The following HTR2A variants were observed in gnomAD, a reference collection of about 807,000 sequenced individuals.
The protein encoded by HTR2A is 5-HT2 receptor.
In HTR2A, 14 loss-of-function variants were observed where a neutral mutation model predicts 31.0. That is an observed-to-expected ratio of 0.45 (90% confidence interval 0.30 to 0.71). The LOEUF is 0.71. Among genes scored for constraint, HTR2A ranks in the 30% least tolerant of loss-of-function variants. The probability of loss-of-function intolerance (pLI) is 0.09; values close to 1 mark genes in which losing one functional copy is unlikely to be tolerated. For synonymous variants in HTR2A, 209 were observed against 225.2 expected, an observed-to-expected ratio of 0.93 and a Z score of 0.64; for missense variants, 442 against 573.3, an observed-to-expected ratio of 0.77 and a Z score of 2.34.
rs1473966696 is a variant in HTR2A, at chr13:46,855,491, G to C, written c.614-19852C>G. Among the ~76,000 whole-genome samples, 3 of 152,086 alleles carry C rather than the reference G, an allele frequency of 2.0e-5. No individual in the cohort carries two copies. In the East Asian group the frequency reaches 5.8e-4, roughly 29 times the overall value. On this transcript the variant is annotated intron_variant, in intron 3 of 3. Coordinates refer to ENST00000542664, the MANE Select transcript of HTR2A (RefSeq NM_000621.5). ...TTTCCACTTTCCCAGTTCAGTGTGG[G>C]TGGATGGGGAAGGTGCTCTCAACTG...
At chr13:46,835,699 G>A in intron 3 of HTR2A, 60 bp from the exon 4 acceptor site, 4 of 1,241,712 alleles carry the variant, frequency 3.2e-6, no homozygotes, top group Non-Finnish European at 4.5e-6. Context: ...GAAGGCAAGA[G>A]CATCATCACA....
chr13:46,835,015 G>C lies in HTR2A; in HGVS notation c.1238C>G (p.Thr413Arg). The C allele has an allele frequency of 1.9e-6, 3 of 1,614,118 alleles. No individual in the cohort carries two copies. Among genetic ancestry groups the C allele is most frequent in the Non-Finnish European group, 2.5e-6 (3 of 1,179,986 alleles). The change falls in exon 4 of 4, where the codon ACA (threonine) becomes AGA (arginine). Residue 413 changes from threonine to arginine, a missense_variant. Transcript: ENST00000542664. ...AGACTTGTAGGCCAAAGCCGGTATT[G>C]TGTTCACTAAAATTAACTGCAATGG... ...KKPLQLILVN[T>R]IPALAYKSSQ...
intron 3 of HTR2A, among the ~76,000 whole-genome samples, chr13:46,849,066 C>G (rs1231448771): frequency 1.3e-5 from 2 of 152,124 alleles, no homozygotes; most frequent in African/African-American, 2.4e-5. Context: ...CATCCCTAAC[C>G]TTACACCGTC....
chr13:46,879,101 T>A (rs1201120755), intron 3 of HTR2A, among the ~76,000 whole-genome samples: 1 of 152,150 alleles, frequency 6.6e-6, no homozygotes, highest in African/African-American at 2.4e-5. Flanking sequence ...TGGATGGGAA[T>A]TAAGGGGCAT....
chr13:46,861,585 G>C (rs1242925759), intron 3 of HTR2A, among the ~76,000 whole-genome samples: 1 of 152,214 alleles, frequency 6.6e-6, no homozygotes, highest in Non-Finnish European at 1.5e-5. Context: ...GATCTATCAA[G>C]CATTTTGAAC....
intron 3 of HTR2A, among the ~76,000 whole-genome samples, chr13:46,880,446 T>A (rs139325906): frequency 1.3e-5 from 2 of 152,328 alleles, no homozygotes; most frequent in East Asian, 3.9e-4. Context: ...GCAACACAAG[T>A]ACCCTGTCCC....
At chr13:46,883,268 T>TTAGGAAGGTCCTAACCTTCAGGC (rs951959877) in intron 3 of HTR2A, among the ~76,000 whole-genome samples, 1 of 152,118 alleles carries the variant, frequency 6.6e-6, no homozygotes, top group Non-Finnish European at 1.5e-5. Context: ...TCCAGGAAGG[T>TTAGGAAGGTCCTAACCTTCAGGC]TAGGATTCTA....
intron 3 of HTR2A, among the ~76,000 whole-genome samples, chr13:46,874,189 C>T (rs557105662): frequency 1.3e-5 from 2 of 152,286 alleles, no homozygotes; most frequent in South Asian, 2.1e-4. Context: ...TTCTTAGCTT[C>T]GGTCTTGCCA....
chr13:46,859,891 C>G (rs1653756838), intron 3 of HTR2A, among the ~76,000 whole-genome samples: 1 of 152,170 alleles, frequency 6.6e-6, no homozygotes, highest in Non-Finnish European at 1.5e-5. Flanking sequence ...ATGCCCTGGC[C>G]TATCATCACC....
chr13:46,835,772 TAA>T, intron 3 of HTR2A, 133 bp from the exon 4 acceptor site: 1 of 695,360 alleles, frequency 1.4e-6, no homozygotes, highest in Non-Finnish European at 2.4e-6. Context: ...TTTGAGAATT[TAA>T]AATTCCTTTG....
At chr13:46,889,159 G>A (rs544959842) in intron 3 of HTR2A, among the ~76,000 whole-genome samples, 1 of 152,194 alleles carries the variant, frequency 6.6e-6, no homozygotes, top group African/African-American at 2.4e-5. Context: ...GATGAAATAA[G>A]ATATATCCAA....
At chr13:46,872,341 C>T (rs577448624) in intron 3 of HTR2A, among the ~76,000 whole-genome samples, 1 of 152,226 alleles carries the variant, frequency 6.6e-6, no homozygotes, top group Admixed American at 6.5e-5. Flanking sequence ...TTTGACCACT[C>T]TGTATATTAC....
At chr13:46,845,789 C>G (rs2138193591) in intron 3 of HTR2A, among the ~76,000 whole-genome samples, 1 of 152,268 alleles carries the variant, frequency 6.6e-6, no homozygotes, top group East Asian at 1.9e-4. Context: ...GGAAAACTCT[C>G]TACCCTCTTA....
At position 46,835,342 on chromosome 13, in the gene HTR2A, C is replaced by T. The variant is rs764945857; in HGVS notation, c.911G>A (p.Gly304Glu). The T allele has an allele frequency of 1.2e-6, 2 of 1,614,014 alleles. No individual in the cohort carries two copies. Among genetic ancestry groups the T allele is most frequent in the South Asian group, 1.1e-5 (1 of 91,076 alleles). The change falls in exon 4 of 4, where the codon GGG becomes GAG. Residue 304 changes from glycine to glutamate, a missense_variant. Gly to Glu is a moderately conservative substitution (Grantham distance 98). This residue lies in a region of HTR2A where 174 missense variants were observed against 195.1 expected (regional missense o/e 0.89). Transcript: ENST00000542664. ...LFQRSIHREP[G>E]SYTGRRTMQS... ...CATAGTCCTCCTGCCTGTGTAGGAC[C>T]CTGGCTCCCTATGGATCGACCGCTG...
chr13:46,882,980 G>A (rs991972278), intron 3 of HTR2A, among the ~76,000 whole-genome samples: 3 of 152,192 alleles, frequency 2.0e-5, no homozygotes, highest in African/African-American at 4.8e-5. Flanking sequence ...ACTTGCCCAA[G>A]GTCACACAGC....
chr13:46,893,720 G>A (rs1452548036), intron 2 of HTR2A, among the ~76,000 whole-genome samples: 1 of 152,196 alleles, frequency 6.6e-6, no homozygotes, highest in African/African-American at 2.4e-5. Context: ...GTGTTTTGGA[G>A]GGGGATTAAG....
intron 3 of HTR2A, among the ~76,000 whole-genome samples, chr13:46,836,949 G>A (rs183700868): frequency 1.6e-3 from 239 of 152,072 alleles, no homozygotes; most frequent in African/African-American, 5.5e-3. Flanking sequence ...TCATAAGGAT[G>A]GATTGCAAAA....
At chr13:46,838,101 A>G (rs1290758286) in intron 3 of HTR2A, among the ~76,000 whole-genome samples, 4 of 152,208 alleles carry the variant, frequency 2.6e-5, no homozygotes, top group Non-Finnish European at 5.9e-5. Context: ...TCTTGATTGT[A>G]AAAGTAAGGG....
intron 3 of HTR2A, among the ~76,000 whole-genome samples, chr13:46,873,230 TAATTC>T (rs1950877742): frequency 6.7e-6 from 1 of 149,208 alleles, no homozygotes; most frequent in South Asian, 2.1e-4. Flanking sequence ...TCCTATCAAG[TAATTC>T]ACTGATTACA....
Sources: gnomAD v4.1 joint callset for allele counts (sites outside exome capture counted in the v4.1 genomes callset) on GRCh38, gnomAD v4.1.1 for gene constraint, gnomAD v4.1.1 regional missense constraint, MANE v1.5 for transcripts, NCBI Gene and HGNC (gene_info 2026-07-23, HGNC 2026-07-21) for gene names.